ZNF800: variants seen among roughly 807,000 people sequenced by gnomAD.
ZNF800 encodes zinc finger protein 800.
Under a neutral mutation model 59.5 loss-of-function variants are expected in ZNF800, and 13 were observed. That is an observed-to-expected ratio of 0.22 (90% CI 0.14 to 0.35). ZNF800 has a LOEUF of 0.35. Ranked by LOEUF, ZNF800 falls within the 10% of genes least tolerant of loss-of-function variation. The pLI is 1.00. For missense variants in ZNF800, 621 were observed against 783.7 expected (o/e 0.79, Z 2.48); for synonymous variants, 266 against 265.7 (o/e 1.00, Z -0.01).
At chr7:127,389,484 T>C (rs1419039883) in intron 2 of ZNF800, among the ~76,000 whole-genome samples, 1 of 152,198 alleles carries the variant, frequency 6.6e-6, no homozygotes, top group African/African-American at 2.4e-5. Flanking sequence ...CAGATTTTTA[T>C]CAAACATTAT....
At position 127,392,081 on chromosome 7, in the gene ZNF800, C is replaced by A; in HGVS notation, c.-80G>T. On this transcript the variant is annotated 5_prime_UTR_variant, in exon 1 of 6. Coordinates refer to ENST00000265827, the MANE Select transcript of ZNF800 (RefSeq NM_176814.5). ...TTACTCAACTCTTAGGGCGGGCCGG[C>A]GGGCGGGCGGAAGGAAGGAAGGCAG... is the stretch of plus-strand genomic sequence containing the variant. 2.6e-6 allele frequency: 1 copy of A among 388,458 alleles called. No homozygotes were observed. The allele number at this position is 388,458 out of a possible 1,614,324, so 24.1% of individuals were successfully genotyped here.
rs1439474432 is a variant in ZNF800, at chr7:127,377,336, G to GA, written c.158-8dup. 1 of 1,580,100 alleles carries GA rather than the reference G, an allele frequency of 6.3e-7. No homozygotes were observed. Among genetic ancestry groups the GA allele is most frequent in the Non-Finnish European group, 8.6e-7 (1 of 1,165,214 alleles). On this transcript the variant is annotated splice_region_variant and splice_polypyrimidine_tract_variant and intron_variant, in intron 3 of 5. Coordinates refer to ENST00000265827, the MANE Select transcript of ZNF800 (RefSeq NM_176814.5). This position sits in a 1 kb window ranked among gnomAD's most constrained non-coding sequence, Gnocchi z 4.7. ...TGCTTAAGTTGTTTAGTTCCTGAGAGAAAAAAGAAAAGAAAAACTTAACAC... is the reference window on the plus strand; with the variant it reads ...TGCTTAAGTTGTTTAGTTCCTGAGAGAAAAAAAGAAAAGAAAAACTTAACAC...
chr7:127,384,007 G>A (rs1369003193), intron 3 of ZNF800, among the ~76,000 whole-genome samples: 1 of 151,770 alleles, frequency 6.6e-6, no homozygotes, highest in East Asian at 1.9e-4. Context: ...CACTTCTTTA[G>A]CTCAGAGAGT....
At chr7:127,369,842 A>G (rs909511571), downstream of ZNF800, among the ~76,000 whole-genome samples, 30 of 151,982 alleles carry the variant, frequency 2.0e-4, 1 homozygote, top group African/African-American at 6.5e-4. Context: ...CTCCTCCAAT[A>G]TCAATTTTTC....
intron 1 of ZNF800, among the ~76,000 whole-genome samples, chr7:127,355,461 G>T (rs1401456789): frequency 6.6e-6 from 1 of 152,046 alleles, no homozygotes; most frequent in Non-Finnish European, 1.5e-5. Context: ...ACAAAGGATA[G>T]AAGTGAAAAA....
At chr7:127,364,989 T>C (rs1800474811) in intron 1 of ZNF800, among the ~76,000 whole-genome samples, 1 of 152,068 alleles carries the variant, frequency 6.6e-6, no homozygotes, top group African/African-American at 2.4e-5. Flanking sequence ...GCACAATCAA[T>C]CAACAATTGT....
chr7:127,376,701 T>G (rs576853921), intron 4 of ZNF800, among the ~76,000 whole-genome samples: 5 of 151,984 alleles, frequency 3.3e-5, no homozygotes, highest in South Asian at 2.1e-4. Context: ...AAAGACTTTT[T>G]AATGCTCTCC....
chr7:127,353,331 C>CT (rs1800205100), intron 1 of ZNF800, among the ~76,000 whole-genome samples: 1 of 152,082 alleles, frequency 6.6e-6, no homozygotes, highest in South Asian at 2.1e-4. Flanking sequence ...CTTGACAAGA[C>CT]TTTTTGTTCA....
At chr7:127,384,888 C>T (rs1801092906) in intron 3 of ZNF800, among the ~76,000 whole-genome samples, 1 of 151,988 alleles carries the variant, frequency 6.6e-6, no homozygotes, top group South Asian at 2.1e-4. Flanking sequence ...ACAAAAAATC[C>T]CTAAAATAGT....
downstream of ZNF800, chr7:127,370,004 T>C (rs937849241): frequency 1.3e-5 from 2 of 152,136 alleles, no homozygotes; most frequent in Non-Finnish European, 2.9e-5. Flanking sequence ...CTTTGGAATA[T>C]GTCTTGTGTG....
chr7:127,367,231 A>G (rs554546727), downstream of ZNF800, among the ~76,000 whole-genome samples: 10 of 152,240 alleles, frequency 6.6e-5, no homozygotes, highest in South Asian at 4.1e-4. Flanking sequence ...CTGATCACTT[A>G]TATCTCCCAT....
intron 1 of ZNF800, chr7:127,350,005 G>A (rs1378627612): frequency 6.6e-6 from 1 of 152,182 alleles, no homozygotes; most frequent in Admixed American, 6.5e-5. Flanking sequence ...GCTCTAGCTA[G>A]AAAATTACCT....
intron 1 of ZNF800, among the ~76,000 whole-genome samples, chr7:127,349,397 CA>C (rs1177096320): frequency 6.6e-6 from 1 of 152,072 alleles, no homozygotes; most frequent in Non-Finnish European, 1.5e-5. Context: ...AATAATATAA[CA>C]CAGGAGAGGG....
At chr7:127,385,972 A>G in intron 3 of ZNF800, 88 bp downstream of exon 3, 1 of 830,966 alleles carries the variant, frequency 1.2e-6, no homozygotes, top group Admixed American at 2.6e-5. Flanking sequence ...ATACATTTTA[A>G]TGTTTTTTAA....
At chr7:127,376,884 A>T (rs1372047251) in intron 4 of ZNF800, among the ~76,000 whole-genome samples, 2 of 151,980 alleles carry the variant, frequency 1.3e-5, no homozygotes, top group East Asian at 3.8e-4. Context: ...GGCCCATATA[A>T]ACATTCTAAA....
chr7:127,381,283 AT>A (rs1317890622), intron 3 of ZNF800, among the ~76,000 whole-genome samples: 2 of 152,188 alleles, frequency 1.3e-5, no homozygotes, highest in Non-Finnish European at 2.9e-5. Flanking sequence ...CTACAATATC[AT>A]CAAAACACTG....
chr7:127,389,053 A>C (rs1801227820), intron 2 of ZNF800, among the ~76,000 whole-genome samples: 1 of 152,184 alleles, frequency 6.6e-6, no homozygotes, highest in East Asian at 1.9e-4. Flanking sequence ...CACTTCCCAG[A>C]ATATAACATT....
At chr7:127,369,216 G>A (rs1373712785), downstream of ZNF800, among the ~76,000 whole-genome samples, 4 of 152,090 alleles carry the variant, frequency 2.6e-5, no homozygotes, top group Non-Finnish European at 5.9e-5. Context: ...CTTTAGGAAG[G>A]AAGGTAAGTT....
chr7:127,361,726 GTGAA>G (rs1203223765), intron 1 of ZNF800: 5 of 151,778 alleles, frequency 3.3e-5, no homozygotes, highest in African/African-American at 1.2e-4. Context: ...GAATAAATGA[GTGAA>G]TGGAATTATA....
Sources: allele counts gnomAD v4.1 joint callset (sites outside exome capture counted in the v4.1 genomes callset), GRCh38; gene constraint gnomAD v4.1.1; non-coding constraint Gnocchi (gnomAD v3.1); transcripts MANE v1.5; gene names NCBI Gene and HGNC (gene_info 2026-07-23, HGNC 2026-07-21).